BTG4: variants seen among roughly 807,000 people sequenced by gnomAD.
BTG4 encodes the protein protein BTG4.
In BTG4, 10 loss-of-function variants were observed where a neutral mutation model predicts 19.3. That is an observed-to-expected ratio of 0.52 (90% CI 0.32 to 0.88). BTG4 has a LOEUF of 0.88. Among genes scored for constraint, BTG4 ranks in the 40% least tolerant of loss-of-function variants. The pLI is 0.04. For synonymous variants in BTG4, 91 were observed against 95.7 expected, an observed-to-expected ratio of 0.95 and a Z score of 0.29; for missense variants, 238 against 281.9, an observed-to-expected ratio of 0.84 and a Z score of 1.11.
At chr11:111,453,805 T>C in the BTG4 span, among the ~76,000 whole-genome samples, 163 of 152,276 alleles carry the variant, frequency 1.1e-3, no homozygotes, top group African/African-American at 3.8e-3. Context: ...AAACACACTT[T>C]CCAAAAGAAA....
At chr11:111,464,887 A>T (rs1350607269), downstream of BTG4, among the ~76,000 whole-genome samples, 2 of 152,160 alleles carry the variant, frequency 1.3e-5, no homozygotes, top group African/African-American at 4.8e-5. Flanking sequence ...TAACTGAGCA[A>T]ATTTCCAAAA....
chr11:111,490,591 T>A (rs1385283313), downstream of BTG4, among the ~76,000 whole-genome samples: 1 of 152,144 alleles, frequency 6.6e-6, no homozygotes, highest in East Asian at 1.9e-4. Flanking sequence ...CGCACTCAAT[T>A]AGAAAATGGC....
chr11:111,424,374 G>T, the BTG4 span, among the ~76,000 whole-genome samples: 51 of 152,352 alleles, frequency 3.3e-4, no homozygotes, highest in African/African-American at 1.2e-3. Context: ...ACACCATGGG[G>T]TGAGAAAGGA....
chr11:111,509,510 C>T (rs1383833239), intron 1 of BTG4, among the ~76,000 whole-genome samples: 2 of 152,010 alleles, frequency 1.3e-5, no homozygotes, highest in African/African-American at 2.4e-5. Flanking sequence ...GCCTGGCCAA[C>T]ATAGTGAAAC....
chr11:111,412,297 T>C, the BTG4 span, among the ~76,000 whole-genome samples: 2 of 152,238 alleles, frequency 1.3e-5, no homozygotes, highest in Non-Finnish European at 2.9e-5. Flanking sequence ...CTATTTCATT[T>C]CAATCCATCT....
chr11:111,444,795 G>A, the BTG4 span, among the ~76,000 whole-genome samples: 1 of 152,140 alleles, frequency 6.6e-6, no homozygotes, highest in Admixed American at 6.5e-5. Flanking sequence ...AACAGAAAAA[G>A]GAATGGTGGA....
At chr11:111,446,652 CACAT>C in the BTG4 span, among the ~76,000 whole-genome samples, 3 of 151,846 alleles carry the variant, frequency 2.0e-5, no homozygotes, top group Admixed American at 1.3e-4. Flanking sequence ...CACACACACA[CACAT>C]CCTCCCCTGC....
At chr11:111,406,506 C>A in the BTG4 span, among the ~76,000 whole-genome samples, 1 of 152,188 alleles carries the variant, frequency 6.6e-6, no homozygotes, top group East Asian at 1.9e-4. Flanking sequence ...AAATGAGACC[C>A]AATTTTTCTT....
chr11:111,487,414 C>T (rs1024509764), intron 5 of BTG4, among the ~76,000 whole-genome samples: 24 of 152,120 alleles, frequency 1.6e-4, no homozygotes, highest in African/African-American at 5.8e-4. Context: ...TTCAACATCC[C>T]TTCATTTTTA....
chr11:111,504,573 A>C (rs557206371), intron 1 of BTG4, among the ~76,000 whole-genome samples: 1 of 152,086 alleles, frequency 6.6e-6, no homozygotes, highest in South Asian at 2.1e-4. Context: ...TCAAGTTAGA[A>C]ACCAAGATAA....
At chr11:111,451,895 A>C in the BTG4 span, among the ~76,000 whole-genome samples, 1 of 152,176 alleles carries the variant, frequency 6.6e-6, no homozygotes, top group Non-Finnish European at 1.5e-5. Context: ...AGTTCATTTC[A>C]CAGCAACCCA....
At chr11:111,467,078 G>A (rs1362295178), downstream of BTG4, among the ~76,000 whole-genome samples, 4 of 152,134 alleles carry the variant, frequency 2.6e-5, no homozygotes, top group Admixed American at 6.5e-5. Flanking sequence ...CTAATCTCTC[G>A]AATGATATTA....
intron 5 of BTG4, among the ~76,000 whole-genome samples, chr11:111,474,704 C>CA (rs1864293688): frequency 6.6e-6 from 1 of 152,108 alleles, no homozygotes; most frequent in Non-Finnish European, 1.5e-5. Flanking sequence ...GGTCTTAGGA[C>CA]ATGGATATGT....
At chr11:111,419,129 A>G in the BTG4 span, among the ~76,000 whole-genome samples, 1 of 152,192 alleles carries the variant, frequency 6.6e-6, no homozygotes, top group African/African-American at 2.4e-5. Context: ...AACCTCCTTA[A>G]AGACCTTATC....
At chr11:111,511,586 A>G (rs925045856) in intron 1 of BTG4, among the ~76,000 whole-genome samples, 1 of 152,232 alleles carries the variant, frequency 6.6e-6, no homozygotes, top group African/African-American at 2.4e-5. Flanking sequence ...GGCTGCTTCC[A>G]GCTGAATTTC....
upstream of BTG4, chr11:111,513,407 G>T: frequency 1.9e-6 from 1 of 534,162 alleles, no homozygotes; most frequent in South Asian, 1.4e-5. Flanking sequence ...AACGTGTTGG[G>T]GTACCAACTT....
At chr11:111,401,504 G>C in the BTG4 span, among the ~76,000 whole-genome samples, 1 of 150,974 alleles carries the variant, frequency 6.6e-6, no homozygotes, top group Admixed American at 6.6e-5. Flanking sequence ...GAAAAGAAAA[G>C]AAAGCTGGGA....
chr11:111,437,125 C>G, the BTG4 span, among the ~76,000 whole-genome samples: 1 of 152,114 alleles, frequency 6.6e-6, no homozygotes, highest in Non-Finnish European at 1.5e-5. Flanking sequence ...GCTGCAGCCC[C>G]CAGCAGCCCC....
chr11:111,439,472 G>A, the BTG4 span, among the ~76,000 whole-genome samples: 1 of 151,918 alleles, frequency 6.6e-6, no homozygotes, highest in Non-Finnish European at 1.5e-5. Context: ...CCCTTGGCCA[G>A]ACACCAGCTC....
Sources: gnomAD v4.1 joint callset for allele counts (sites outside exome capture counted in the v4.1 genomes callset) on GRCh38, gnomAD v4.1.1 for gene constraint, MANE v1.5 for transcripts, NCBI Gene and HGNC (gene_info 2026-07-23, HGNC 2026-07-21) for gene names.